Variants in SEMA5B observed in about 807,000 individuals in gnomAD.
SEMA5B encodes the protein semaphorin-5B.
In SEMA5B, 66 loss-of-function variants were observed where a neutral mutation model predicts 135.0. The ratio of observed to expected loss-of-function variants is 0.49; its 90% CI spans 0.40 to 0.60. The LOEUF (loss-of-function observed/expected upper bound fraction) is 0.60. Among genes scored for constraint, SEMA5B ranks in the 20% least tolerant of loss-of-function variants. SEMA5B has a pLI of 0.00. For missense variants in SEMA5B, 1,501 were observed against 1,566.3 expected (o/e 0.96, Z 0.70); for synonymous variants, 690 against 639.5 (o/e 1.08, Z -1.19).
chr3:123,004,589 TC>T (rs1942259287), intron 1 of SEMA5B, among the ~76,000 whole-genome samples: 1 of 152,214 alleles, frequency 6.6e-6, no homozygotes, highest in Non-Finnish European at 1.5e-5. Flanking sequence ...AAGAGGCCAA[TC>T]TAAAGTGTGT....
At chr3:122,989,290 G>A (rs1020052700) in intron 1 of SEMA5B, among the ~76,000 whole-genome samples, 1 of 152,214 alleles carries the variant, frequency 6.6e-6, no homozygotes, top group African/African-American at 2.4e-5. Context: ...AGAGGCTGCT[G>A]GTGGGTCAAG....
At position 123,011,461 on chromosome 3, in the gene SEMA5B, T is replaced by A. The variant is rs180808963; in HGVS notation, c.-39+16003A>T. Among the ~76,000 whole-genome samples, 40 of 152,242 alleles carry A rather than the reference T, an allele frequency of 2.6e-4. 1 individual carries two copies. Among genetic ancestry groups the A allele is most frequent in the East Asian group, 7.7e-4 (4 of 5,162 alleles). On this transcript the variant is annotated intron_variant, in intron 1 of 22. Coordinates refer to ENST00000357599, the MANE Select transcript of SEMA5B (RefSeq NM_001031702.4). ...TTGATTTACCCACATTCCCTGTGCA[T>A]ATGGAAAGATCTGAGATGGAATCTG...
chr3:122,961,955 A>G (rs569127297), intron 1 of SEMA5B, among the ~76,000 whole-genome samples: 2 of 152,300 alleles, frequency 1.3e-5, no homozygotes, highest in East Asian at 3.9e-4. Flanking sequence ...AGTTAAAGCT[A>G]GCCACATTGC....
chr3:122,945,940 C>A (rs1939773652), intron 3 of SEMA5B, among the ~76,000 whole-genome samples: 2 of 152,036 alleles, frequency 1.3e-5, no homozygotes, highest in Non-Finnish European at 2.9e-5. Flanking sequence ...AGAGAAGGAG[C>A]CGGGCATAGC....
intron 2 of SEMA5B, 122 bp downstream of exon 2, chr3:122,961,018 A>C: frequency 4.8e-6 from 5 of 1,044,888 alleles, no homozygotes; most frequent in Non-Finnish European, 6.9e-6. Context: ...AGCTGCTCAA[A>C]TACAGTGGAC....
intron 1 of SEMA5B, among the ~76,000 whole-genome samples, chr3:122,983,249 C>A (rs772845269): frequency 5.3e-5 from 8 of 151,988 alleles, no homozygotes; most frequent in Non-Finnish European, 8.8e-5. Context: ...ACATCTAAGT[C>A]ATCTCAAGGA....
chr3:122,923,877 A>ACTC, intron 9 of SEMA5B, 125 bp from the exon 10 acceptor site: 1 of 1,029,416 alleles, frequency 9.7e-7, no homozygotes, highest in Non-Finnish European at 1.5e-6. Context: ...TGTGTCTGGC[A>ACTC]CATGGGGGGA....
intron 1 of SEMA5B, among the ~76,000 whole-genome samples, chr3:122,991,541 C>T (rs547335918): frequency 5.9e-5 from 9 of 152,328 alleles, no homozygotes; most frequent in Admixed American, 2.0e-4. Context: ...AGTCCCCTTC[C>T]GCCACATCAA....
intron 1 of SEMA5B, among the ~76,000 whole-genome samples, chr3:123,016,136 C>G (rs1433240306): frequency 6.6e-6 from 1 of 152,124 alleles, no homozygotes; most frequent in Admixed American, 6.5e-5. Flanking sequence ...AGCTGGCAGC[C>G]CAAGCCTTAA....
chr3:122,948,442 T>C, intron 3 of SEMA5B, 64 bp downstream of exon 3: 3 of 1,413,260 alleles, frequency 2.1e-6, no homozygotes, highest in Non-Finnish European at 2.9e-6. Context: ...CCTGCCAAGG[T>C]CTGACCTAAG....
intron 1 of SEMA5B, among the ~76,000 whole-genome samples, chr3:123,020,332 A>G (rs1256970400): frequency 2.0e-5 from 3 of 152,260 alleles, no homozygotes; most frequent in Non-Finnish European, 4.4e-5. Context: ...GCTGGTTACA[A>G]AAAGTACAAT....
chr3:122,980,460 C>CA (rs34995253), intron 1 of SEMA5B, among the ~76,000 whole-genome samples: 12,381 of 109,660 alleles, frequency 0.11, 599 homozygotes, highest in Middle Eastern at 0.14. Flanking sequence ...AAAGCCGTGT[C>CA]AAAAAAAAAA....
Position 122,961,196 on chromosome 3 carries a change from G to A in SEMA5B, c.68C>T (p.Ala23Val). The A allele has an allele frequency of 6.2e-7, 1 of 1,613,914 alleles. No homozygotes were observed. ...HLVPGPPDTP[A>V]QQLRCGWTVG... is the part of the protein sequence containing the mutation. ...TGTCCATCCACACCTTAGCTGTTGGGCTGGGGTATCAGGCGGCCCAGGGAC... is the reference window on the plus strand; with the variant it reads ...TGTCCATCCACACCTTAGCTGTTGGACTGGGGTATCAGGCGGCCCAGGGAC... Residue 23 changes from alanine (A) to valine (V), a missense_variant, in exon 2 of 23, where the codon GCC (alanine) becomes GTC (valine). This residue lies in a region of SEMA5B where 574 missense variants were observed against 684.7 expected (regional missense o/e 0.84). Coordinates refer to ENST00000357599, the MANE Select transcript of SEMA5B (RefSeq NM_001031702.4).
At chr3:122,921,587 A>G (rs922595952) in intron 12 of SEMA5B, among the ~76,000 whole-genome samples, 3 of 152,230 alleles carry the variant, frequency 2.0e-5, no homozygotes, top group African/African-American at 7.2e-5. Flanking sequence ...ACTGAGAATA[A>G]ATCAAGTGGG....
intron 8 of SEMA5B, 74 bp from the exon 9 acceptor site, chr3:122,926,751 A>G (rs1176551433): frequency 5.8e-6 from 9 of 1,540,918 alleles, no homozygotes; most frequent in Non-Finnish European, 7.1e-6. Context: ...GGAGGACTCA[A>G]CTACTTCGGT....
At chr3:122,982,292 T>C (rs1941544621) in intron 1 of SEMA5B, among the ~76,000 whole-genome samples, 1 of 152,210 alleles carries the variant, frequency 6.6e-6, no homozygotes, top group African/African-American at 2.4e-5. Flanking sequence ...CTCCCAGCAC[T>C]GGTTCACAAA....
chr3:123,010,294 ATGTATGACCTTGGTCATACCCTTTC>A lies in SEMA5B; in HGVS notation c.-39+17145_-39+17169del, dbSNP rs1252183032. Reference sequence around the variant, plus strand: ...AGGGTTTAAAATTGCCTCTTAGTAGATGTATGACCTTGGTCATACCCTTTCTGGAGAATTTCTTCACCTCTAAAAT... The same window carrying A: ...AGGGTTTAAAATTGCCTCTTAGTAGATGGAGAATTTCTTCACCTCTAAAAT... On this transcript the variant is annotated intron_variant, in intron 1 of 22. Coordinates refer to ENST00000357599, the MANE Select transcript of SEMA5B (RefSeq NM_001031702.4). Among the ~76,000 whole-genome samples the A allele has an allele frequency of 4.6e-5, 7 of 152,346 alleles. No homozygotes were observed. The East Asian group carries it at 1.3e-3, about 29-fold the overall frequency.
In SEMA5B at chr3:123,020,704, G is replaced by A. The variant is rs141137728; in HGVS notation, c.-39+6760C>T. Among the ~76,000 whole-genome samples the A allele has an allele frequency of 2.2e-4, 33 of 152,320 alleles. No individual in the cohort carries two copies. The East Asian group carries it at 6.4e-3, about 29-fold the overall frequency. ...AAGCTCAAAAAAATACCAGTGCCCAGGCTCCCCCCGCAGAAATCCTATCTT... is the reference window on the plus strand; with the variant it reads ...AAGCTCAAAAAAATACCAGTGCCCAAGCTCCCCCCGCAGAAATCCTATCTT... On this transcript the variant is annotated intron_variant, in intron 1 of 22. Transcript: ENST00000357599.
In SEMA5B at chr3:122,922,227, C is replaced by A. The variant is rs1004251451; in HGVS notation, c.1480+13G>T. The A allele has an allele frequency of 1.2e-5, 20 of 1,604,748 alleles. No individual in the cohort carries two copies. The highest frequency in any genetic ancestry group is 1.6e-5 in the Non-Finnish European group (19 of 1,173,260). On this transcript the variant is annotated intron_variant, in intron 11 of 22. Transcript: ENST00000357599. The stretch of plus-strand genomic sequence containing the variant: ...CCCCGACCTGCAGTCCAGGTTGGAC[C>A]GGGCCGGCTCACCGGTGCCAATGTA...
Sources: gnomAD v4.1 joint callset for allele counts (sites outside exome capture counted in the v4.1 genomes callset) on GRCh38, gnomAD v4.1.1 for gene constraint, gnomAD v4.1.1 regional missense constraint, MANE v1.5 for transcripts, NCBI Gene and HGNC (gene_info 2026-07-23, HGNC 2026-07-21) for gene names.